The following TPPP variants were observed in gnomAD, a reference collection of about 807,000 sequenced individuals.
The protein encoded by TPPP is tubulin polymerization-promoting protein.
A neutral mutation model predicts 15.5 loss-of-function variants in TPPP; 6 were observed. That is an observed-to-expected ratio of 0.39 (90% confidence interval 0.21 to 0.77). TPPP has a LOEUF of 0.77. Ranked by LOEUF, TPPP falls within the 30% of genes least tolerant of loss-of-function variation. The pLI, the probability that TPPP is intolerant of heterozygous loss-of-function variation, is 0.42. For synonymous variants in TPPP, 146 were observed against 133.9 expected (o/e 1.09, Z -0.63); for missense variants, 269 against 307.2 (o/e 0.88, Z 0.93).
At chr5:684,703 A>G (rs1485212822) in intron 1 of TPPP, among the ~76,000 whole-genome samples, 5 of 151,934 alleles carry the variant, frequency 3.3e-5, no homozygotes, top group Non-Finnish European at 7.4e-5. Flanking sequence ...CCACCCCGCC[A>G]GCCCCCACTC....
chr5:688,596 G>T (rs1247593122), intron 1 of TPPP, among the ~76,000 whole-genome samples: 2 of 151,868 alleles, frequency 1.3e-5, no homozygotes, highest in South Asian at 2.1e-4. Flanking sequence ...ACTGCAGGTG[G>T]ACTGTGCCAG....
intron 1 of TPPP, among the ~76,000 whole-genome samples, chr5:688,351 G>A (rs1177656702): frequency 7.6e-5 from 11 of 145,380 alleles, no homozygotes; most frequent in Non-Finnish European, 1.1e-4. Context: ...CGCTGAGCAC[G>A]AGCACCTGGG....
intron 1 of TPPP, among the ~76,000 whole-genome samples, chr5:688,601 T>G (rs1216001460): frequency 6.7e-6 from 1 of 149,476 alleles, no homozygotes; most frequent in Non-Finnish European, 1.5e-5. Context: ...AGGTGGACTG[T>G]GCCAGGTGCC....
rs971100797 is a variant in TPPP at position 662,091 on chromosome 5, G to A, written c.*3011C>T. On this transcript the variant is annotated 3_prime_UTR_variant, in exon 4 of 4. Transcript: ENST00000360578. ...GCCTAGGGTTTGGGATGCACGCCACGATTTTCTCTCTCAGAGTGAAGGGAC... is the reference window on the plus strand; with the variant it reads ...GCCTAGGGTTTGGGATGCACGCCACAATTTTCTCTCTCAGAGTGAAGGGAC... The A allele has an allele frequency of 2.0e-5, 3 of 152,406 alleles. No individual in the cohort carries two copies. Among genetic ancestry groups the A allele is most frequent in the Non-Finnish European group, 2.9e-5 (2 of 68,072 alleles). The allele number at this position is 152,406 out of a possible 1,614,324, so 9.4% of individuals were successfully genotyped here.
At chr5:676,958 C>T (rs62330307) in intron 2 of TPPP, among the ~76,000 whole-genome samples, 5 of 149,606 alleles carry the variant, frequency 3.3e-5, no homozygotes, top group South Asian at 2.1e-4. Context: ...AACGCGCACA[C>T]GTGCACACAG....
At chr5:698,651 C>A in the TPPP span, among the ~76,000 whole-genome samples, 6 of 151,994 alleles carry the variant, frequency 3.9e-5, no homozygotes, top group South Asian at 2.1e-4. Context: ...CCCATGAGAA[C>A]AGGATGGTGA....
At chr5:679,617 A>G (rs1442744907) in intron 1 of TPPP, among the ~76,000 whole-genome samples, 1 of 152,106 alleles carries the variant, frequency 6.6e-6, no homozygotes, top group African/African-American at 2.4e-5. Flanking sequence ...ACCAGAAGCA[A>G]TGGTGGGTTT....
intron 2 of TPPP, among the ~76,000 whole-genome samples, chr5:672,283 G>A (rs966303158): frequency 6.6e-6 from 1 of 151,230 alleles, no homozygotes; most frequent in Admixed American, 6.5e-5. Flanking sequence ...TGGCCCTGCT[G>A]TTCTCAGTCT....
intron 1 of TPPP, among the ~76,000 whole-genome samples, chr5:684,953 C>T (rs369072247): frequency 2.6e-5 from 4 of 152,224 alleles, no homozygotes; most frequent in South Asian, 2.1e-4. Flanking sequence ...ACGGCACACT[C>T]GGGAGCACAC....
chr5:673,394 A>G (rs1561085680), intron 2 of TPPP, among the ~76,000 whole-genome samples: 1 of 151,640 alleles, frequency 6.6e-6, no homozygotes, highest in African/African-American at 2.4e-5. Flanking sequence ...TGAGGGTGGG[A>G]GAGAGGAGGA....
intron 2 of TPPP, among the ~76,000 whole-genome samples, chr5:671,703 C>T (rs1381943608): frequency 6.6e-6 from 1 of 152,182 alleles, no homozygotes; most frequent in Non-Finnish European, 1.5e-5. Context: ...GGCCAAGGGT[C>T]CCCCCGCAGG....
At chr5:669,312 G>T (rs780223106) in intron 2 of TPPP, among the ~76,000 whole-genome samples, 31 of 151,568 alleles carry the variant, frequency 2.0e-4, no homozygotes, top group Middle Eastern at 6.9e-3. Flanking sequence ...GGGCAGCTCT[G>T]TGGCGTGGGG....
intron 2 of TPPP, among the ~76,000 whole-genome samples, chr5:669,531 T>C (rs1740114975): frequency 6.6e-6 from 1 of 152,146 alleles, no homozygotes; most frequent in African/African-American, 2.4e-5. Flanking sequence ...TCCTGTCTTC[T>C]ATTCCCACCC....
intron 2 of TPPP, among the ~76,000 whole-genome samples, chr5:670,616 G>T (rs1384238267): frequency 6.6e-6 from 1 of 152,108 alleles, no homozygotes; most frequent in Non-Finnish European, 1.5e-5. Flanking sequence ...GGCCTTAGGG[G>T]AGCCCTGTCT....
intron 3 of TPPP, among the ~76,000 whole-genome samples, chr5:665,727 C>T (rs1469760298): frequency 3.0e-5 from 4 of 134,758 alleles, no homozygotes; most frequent in African/African-American, 1.1e-4. Context: ...CAGTCCATGC[C>T]CTTCCTGACC....
At chr5:676,993 C>T (rs439073) in intron 2 of TPPP, among the ~76,000 whole-genome samples, 3 of 114,212 alleles carry the variant, frequency 2.6e-5, no homozygotes, top group African/African-American at 8.7e-5. Context: ...CGCAGAAACG[C>T]GCACACGTGC....
intron 1 of TPPP, among the ~76,000 whole-genome samples, chr5:684,260 G>A (rs1169460537): frequency 6.6e-6 from 1 of 152,224 alleles, no homozygotes; most frequent in Non-Finnish European, 1.5e-5. Flanking sequence ...TCGGGACCAG[G>A]GGGAAGCAGC....
chr5:681,054 G>A (rs1740608282), intron 1 of TPPP, among the ~76,000 whole-genome samples: 1 of 152,226 alleles, frequency 6.6e-6, no homozygotes, highest in South Asian at 2.1e-4. Flanking sequence ...GAGAGAACAT[G>A]GAGGTGTCAG....
chr5:666,070 T>C lies in TPPP; in HGVS notation c.365A>G (p.Glu122Gly). The change falls in exon 3 of 4, where the codon GAG (glutamate) becomes GGG (glycine). Residue 122 changes from glutamate (E) to glycine (G), a missense_variant. Transcript: ENST00000360578. ...TFEQFQEALE[E>G]LAKKRFKDKS... ...GTCTTTGAATCGCTTCTTGGCGAGC[T>C]CCTCCAGCGCCTCCTGGAACTGCTC... The C allele has an allele frequency of 6.2e-7, 1 of 1,612,268 alleles. No homozygotes were observed. Among genetic ancestry groups the C allele is most frequent in the Non-Finnish European group, 8.5e-7 (1 of 1,179,796 alleles).
Sources: allele counts gnomAD v4.1 joint callset (sites outside exome capture counted in the v4.1 genomes callset), GRCh38; gene constraint gnomAD v4.1.1; transcripts MANE v1.5; gene names NCBI Gene and HGNC (gene_info 2026-07-23, HGNC 2026-07-21).